GPR39: variants seen among roughly 807,000 people sequenced by gnomAD.
GPR39 encodes zinc sensing receptor.
GPR39 carries 23 observed loss-of-function variants against 18.4 expected under a neutral mutation model. That is an observed-to-expected ratio of 1.25 (90% CI 0.90 to 1.77). GPR39 has a LOEUF of 1.77. Among genes scored for constraint, GPR39 ranks in the 40% most tolerant of loss-of-function variants. GPR39 has a pLI of 0.00. For synonymous variants in GPR39, 280 were observed against 257.9 expected (o/e 1.09, Z -0.82); for missense variants, 647 against 602.4 (o/e 1.07, Z -0.78).
At chr2:132,577,705 G>A (rs1680553572) in intron 1 of GPR39, among the ~76,000 whole-genome samples, 1 of 152,134 alleles carries the variant, frequency 6.6e-6, no homozygotes, top group Non-Finnish European at 1.5e-5. Flanking sequence ...ATGTAGAAAT[G>A]CAGTACTTTT....
intron 1 of GPR39, among the ~76,000 whole-genome samples, chr2:132,486,439 C>G (rs1401543678): frequency 6.6e-6 from 1 of 152,256 alleles, no homozygotes. Context: ...TAGATGGCAT[C>G]TTCTTCCAGT....
At chr2:132,479,361 A>T (rs1168685894) in intron 1 of GPR39, among the ~76,000 whole-genome samples, 1 of 152,008 alleles carries the variant, frequency 6.6e-6, no homozygotes, top group Non-Finnish European at 1.5e-5. Flanking sequence ...AAAACAAAGC[A>T]CTCCTCTCAG....
chr2:132,490,447 T>C (rs191141940), intron 1 of GPR39, among the ~76,000 whole-genome samples: 1 of 152,076 alleles, frequency 6.6e-6, no homozygotes, highest in East Asian at 1.9e-4. Flanking sequence ...ATTTAACGTA[T>C]ACTTAATGGT....
At chr2:132,423,538 T>C (rs1212509967) in intron 1 of GPR39, among the ~76,000 whole-genome samples, 1 of 152,130 alleles carries the variant, frequency 6.6e-6, no homozygotes, top group Non-Finnish European at 1.5e-5. Context: ...CATGACTGGC[T>C]CTCTTCCCCC....
intron 1 of GPR39, among the ~76,000 whole-genome samples, chr2:132,609,450 T>A (rs2104848561): frequency 6.6e-6 from 1 of 152,304 alleles, no homozygotes; most frequent in Middle Eastern, 3.4e-3. Context: ...GTGAAATCAC[T>A]TATACAAAGT....
chr2:132,531,976 A>AT (rs1351465363), intron 1 of GPR39, among the ~76,000 whole-genome samples: 1 of 152,234 alleles, frequency 6.6e-6, no homozygotes, highest in African/African-American at 2.4e-5. Context: ...AAAAACTAGC[A>AT]GAAGGCAAGA....
At chr2:132,601,831 T>C (rs1681048218) in intron 1 of GPR39, among the ~76,000 whole-genome samples, 1 of 151,796 alleles carries the variant, frequency 6.6e-6, no homozygotes, top group Non-Finnish European at 1.5e-5. Context: ...CTATGAAAAA[T>C]AGTTAGAAAT....
At chr2:132,430,856 T>C (rs1680213425) in intron 1 of GPR39, among the ~76,000 whole-genome samples, 1 of 152,240 alleles carries the variant, frequency 6.6e-6, no homozygotes, top group Non-Finnish European at 1.5e-5. Flanking sequence ...AGTGATGTGC[T>C]CTGACATTGT....
intron 1 of GPR39, among the ~76,000 whole-genome samples, chr2:132,437,377 C>A (rs764383666): frequency 6.6e-6 from 1 of 152,178 alleles, no homozygotes; most frequent in Non-Finnish European, 1.5e-5. Context: ...CTACACCATA[C>A]TCCTTCATAG....
chr2:132,620,098 G>A (rs1681413679), intron 1 of GPR39, among the ~76,000 whole-genome samples: 1 of 152,198 alleles, frequency 6.6e-6, no homozygotes, highest in Non-Finnish European at 1.5e-5. Context: ...CAGTCAGCTG[G>A]GGTCTCTCTG....
At chr2:132,545,014 C>G (rs1679920682) in intron 1 of GPR39, among the ~76,000 whole-genome samples, 1 of 152,150 alleles carries the variant, frequency 6.6e-6, no homozygotes, top group Non-Finnish European at 1.5e-5. Flanking sequence ...GAAAGTACAC[C>G]CAAGGGGAAA....
chr2:132,537,035 G>A (rs1044525352), intron 1 of GPR39, among the ~76,000 whole-genome samples: 4 of 152,268 alleles, frequency 2.6e-5, no homozygotes, highest in South Asian at 2.1e-4. Context: ...TTGGCAGTCC[G>A]TGTCTTTTAA....
chr2:132,527,266 G>A (rs2104772062), intron 1 of GPR39, among the ~76,000 whole-genome samples: 1 of 152,238 alleles, frequency 6.6e-6, no homozygotes, highest in East Asian at 1.9e-4. Flanking sequence ...CAAAGGACAT[G>A]TTCTCATTCT....
intron 1 of GPR39, 147 bp downstream of exon 1, chr2:132,418,045 T>C (rs1679944076): frequency 1.0e-5 from 10 of 964,500 alleles, no homozygotes; most frequent in Non-Finnish European, 1.5e-5. Context: ...TGTAGCAGTA[T>C]GAGGGCATTG....
At chr2:132,468,156 C>T (rs1351449426) in intron 1 of GPR39, among the ~76,000 whole-genome samples, 2 of 152,166 alleles carry the variant, frequency 1.3e-5, no homozygotes, top group African/African-American at 4.8e-5. Flanking sequence ...AATAAACAAT[C>T]TCCAAAATTG....
chr2:132,480,985 G>C (rs1020266772), intron 1 of GPR39, among the ~76,000 whole-genome samples: 2 of 152,116 alleles, frequency 1.3e-5, no homozygotes, highest in African/African-American at 2.4e-5. Flanking sequence ...TTCAATCTGG[G>C]GTTGAATATC....
intron 1 of GPR39, among the ~76,000 whole-genome samples, chr2:132,567,197 C>T (rs1308711669): frequency 6.6e-6 from 1 of 152,186 alleles, no homozygotes; most frequent in East Asian, 1.9e-4. Context: ...CGGCACATGC[C>T]TGTAATCTCA....
intron 1 of GPR39, among the ~76,000 whole-genome samples, chr2:132,595,893 A>G (rs1680936233): frequency 6.6e-6 from 1 of 152,146 alleles, no homozygotes; most frequent in South Asian, 2.1e-4. Context: ...CCTTGGCAAC[A>G]CCTTCTCTTT....
intron 1 of GPR39, among the ~76,000 whole-genome samples, chr2:132,464,210 A>G (rs569183897): frequency 2.0e-5 from 3 of 152,304 alleles, no homozygotes; most frequent in South Asian, 4.1e-4. Context: ...CATGCCCAAC[A>G]CTGAGCCATC....
Sources: gnomAD v4.1 joint callset for allele counts (sites outside exome capture counted in the v4.1 genomes callset) on GRCh38, gnomAD v4.1.1 for gene constraint, MANE v1.5 for transcripts, NCBI Gene and HGNC (gene_info 2026-07-23, HGNC 2026-07-21) for gene names.